The following JAM2 variants were observed in gnomAD, a reference collection of about 807,000 sequenced individuals.
JAM2 encodes the protein junctional adhesion molecule 2, also known as junctional adhesion molecule B.
JAM2 carries 17 observed loss-of-function variants against 42.0 expected under a neutral mutation model. That is an observed-to-expected ratio of 0.40 (90% CI 0.28 to 0.61). The LOEUF (loss-of-function observed/expected upper bound fraction) is 0.61. Among genes scored for constraint, JAM2 ranks in the 20% least tolerant of loss-of-function variants. The pLI, the probability that JAM2 is intolerant of heterozygous loss-of-function variation, is 0.37. For synonymous variants in JAM2, 118 were observed against 128.6 expected, an observed-to-expected ratio of 0.92 and a Z score of 0.56; for missense variants, 319 against 358.3, an observed-to-expected ratio of 0.89 and a Z score of 0.89.
chr21:25,642,573 T>A (rs186813324), intron 1 of JAM2, among the ~76,000 whole-genome samples: 8 of 152,336 alleles, frequency 5.3e-5, no homozygotes, highest in Admixed American at 2.0e-4. Flanking sequence ...ATATCTTTCT[T>A]AGTAGTCTGG....
chr21:25,640,576 C>T (rs947709004), intron 1 of JAM2, among the ~76,000 whole-genome samples: 1 of 152,204 alleles, frequency 6.6e-6, no homozygotes, highest in Non-Finnish European at 1.5e-5. Context: ...CGTCCCAAAG[C>T]CAATTTCACC....
At chr21:25,689,649 GAT>G (rs1357349242) in intron 2 of JAM2, among the ~76,000 whole-genome samples, 1 of 152,160 alleles carries the variant, frequency 6.6e-6, no homozygotes, top group Non-Finnish European at 1.5e-5. Context: ...ACTCAAACTT[GAT>G]AACCAGGGAA....
Position 25,659,856 on chromosome 21 carries a change from G to A in JAM2, c.67+19968G>A, listed in dbSNP as rs187479347. ...ATCAAAATTAGTTGAATTATCCTTA[G>A]CTGAAAATTGATTCTTTGAAATATA... On this transcript the variant is annotated intron_variant, in intron 1 of 9. Coordinates refer to ENST00000480456, the MANE Select transcript of JAM2 (RefSeq NM_021219.4). Among the ~76,000 whole-genome samples, 4 of 152,234 alleles carry A rather than the reference G, an allele frequency of 2.6e-5. 1 individual carries two copies. The highest frequency in any genetic ancestry group is 9.6e-5 in the African/African-American group (4 of 41,550).
At chr21:25,650,543 T>G (rs886695124) in intron 1 of JAM2, among the ~76,000 whole-genome samples, 2 of 152,222 alleles carry the variant, frequency 1.3e-5, no homozygotes, top group Admixed American at 6.5e-5. Flanking sequence ...TCTTCAAACT[T>G]TTTTATATTA....
chr21:25,652,925 A>G (rs936157610), intron 1 of JAM2, among the ~76,000 whole-genome samples: 3 of 152,212 alleles, frequency 2.0e-5, no homozygotes, highest in African/African-American at 7.2e-5. Context: ...CTTGTATTCC[A>G]TTTTGGTGGC....
chr21:25,708,501 G>A (rs928939078), intron 7 of JAM2, among the ~76,000 whole-genome samples: 1 of 152,192 alleles, frequency 6.6e-6, no homozygotes, highest in Non-Finnish European at 1.5e-5. Flanking sequence ...GCAGAAGGTC[G>A]AGGCTGCAGT....
At chr21:25,691,859 G>A (rs9979974) in intron 3 of JAM2, among the ~76,000 whole-genome samples, 69 of 152,140 alleles carry the variant, frequency 4.5e-4, no homozygotes, top group Middle Eastern at 6.8e-3. Context: ...GTGAAATCCC[G>A]TCTCTACTAA....
At chr21:25,705,536 C>T (rs1017934286) in intron 6 of JAM2, among the ~76,000 whole-genome samples, 5 of 152,314 alleles carry the variant, frequency 3.3e-5, no homozygotes, top group South Asian at 2.1e-4. Flanking sequence ...ACATGCCTGG[C>T]ACCATGTGTT....
At chr21:25,650,002 A>T (rs1021698966) in intron 1 of JAM2, among the ~76,000 whole-genome samples, 1 of 152,222 alleles carries the variant, frequency 6.6e-6, no homozygotes, top group African/African-American at 2.4e-5. Flanking sequence ...TCTTGCAGTT[A>T]CTAATCTAGT....
At chr21:25,678,687 C>A (rs2033556624) in intron 1 of JAM2, among the ~76,000 whole-genome samples, 1 of 152,160 alleles carries the variant, frequency 6.6e-6, no homozygotes. Context: ...CACATAGACA[C>A]CACGTTTGCC....
chr21:25,658,714 A>C (rs1243109260), intron 1 of JAM2, among the ~76,000 whole-genome samples: 2 of 152,194 alleles, frequency 1.3e-5, no homozygotes, highest in Non-Finnish European at 2.9e-5. Flanking sequence ...AAGTAAAGAA[A>C]AAACAAAATT....
chr21:25,665,920 G>A (rs563309019), intron 1 of JAM2, among the ~76,000 whole-genome samples: 1 of 151,974 alleles, frequency 6.6e-6, no homozygotes, highest in Non-Finnish European at 1.5e-5. Flanking sequence ...CATGCCTGTG[G>A]TTCCAGCTAC....
chr21:25,695,793 T>TCGCG (rs1479677215), intron 4 of JAM2, among the ~76,000 whole-genome samples: 1 of 123,930 alleles, frequency 8.1e-6, no homozygotes, highest in Non-Finnish European at 1.7e-5. Flanking sequence ...CCAGACGGGG[T>TCGCG]CGCGGCCGGG....
chr21:25,699,672 G>C (rs1338043230), intron 5 of JAM2, among the ~76,000 whole-genome samples: 22 of 129,322 alleles, frequency 1.7e-4, no homozygotes, highest in African/African-American at 6.2e-4. Context: ...GCAGTGAGCA[G>C]AGATCGCGCC....
chr21:25,649,306 T>C (rs1399775092), intron 1 of JAM2, among the ~76,000 whole-genome samples: 3 of 152,190 alleles, frequency 2.0e-5, no homozygotes, highest in Non-Finnish European at 2.9e-5. Context: ...TTCGCATGGC[T>C]GGGGAGGCCT....
At chr21:25,644,338 G>A (rs181120658) in intron 1 of JAM2, 2 of 152,328 alleles carry the variant, frequency 1.3e-5, no homozygotes, top group East Asian at 3.9e-4. Flanking sequence ...AGGTCTCACT[G>A]GCCTAAAATC....
chr21:25,697,214 G>A (rs1355699298), intron 4 of JAM2, among the ~76,000 whole-genome samples: 1 of 151,928 alleles, frequency 6.6e-6, no homozygotes, highest in Non-Finnish European at 1.5e-5. Context: ...TGCTTTTAAA[G>A]GTTCATGTGA....
intron 3 of JAM2, among the ~76,000 whole-genome samples, chr21:25,690,801 G>C (rs1235672904): frequency 6.6e-6 from 1 of 151,856 alleles, no homozygotes; most frequent in Non-Finnish European, 1.5e-5. Flanking sequence ...TTATGGGTGG[G>C]TTATGACAGC....
intron 1 of JAM2, among the ~76,000 whole-genome samples, chr21:25,664,679 C>T (rs1316044031): frequency 1.3e-5 from 2 of 152,234 alleles, no homozygotes; most frequent in Non-Finnish European, 2.9e-5. Flanking sequence ...ATTGCCTCTT[C>T]TCAATCTCTT....
Sources: gnomAD v4.1 joint callset for allele counts (sites outside exome capture counted in the v4.1 genomes callset) on GRCh38, gnomAD v4.1.1 for gene constraint, MANE v1.5 for transcripts, NCBI Gene and HGNC (gene_info 2026-07-23, HGNC 2026-07-21) for gene names.